Variants in TRPM6 observed in about 807,000 individuals in gnomAD.
The protein encoded by TRPM6 is transient receptor potential cation channel subfamily M member 6, also known as channel kinase 2.
Under a neutral mutation model 247.6 loss-of-function variants are expected in TRPM6, and 111 were observed. The observed-to-expected ratio is 0.45, with a 90% CI of 0.38 to 0.52. The LOEUF (loss-of-function observed/expected upper bound fraction) is 0.52. Ranked by LOEUF, TRPM6 falls within the 20% of genes least tolerant of loss-of-function variation. The probability of loss-of-function intolerance (pLI) is 0.00; values close to 1 mark genes in which losing one functional copy is unlikely to be tolerated. For missense variants in TRPM6, 2,126 were observed against 2,421.5 expected (o/e 0.88, Z 2.56); for synonymous variants, 892 against 853.8 (o/e 1.04, Z -0.78).
intron 1 of TRPM6, among the ~76,000 whole-genome samples, chr9:74,885,448 C>G (rs1831502662): frequency 6.6e-6 from 1 of 152,180 alleles, no homozygotes; most frequent in Non-Finnish European, 1.5e-5. Flanking sequence ...GATTACTTCT[C>G]TTAAAAAGCA....
chr9:74,779,977 G>C (rs1221008852), intron 23 of TRPM6, among the ~76,000 whole-genome samples: 2 of 151,234 alleles, frequency 1.3e-5, no homozygotes, highest in Non-Finnish European at 2.9e-5. Flanking sequence ...TTCAAGACCA[G>C]CCTGGCCAAT....
chr9:74,726,939 A>G (rs1825349658), intron 38 of TRPM6, among the ~76,000 whole-genome samples: 1 of 152,150 alleles, frequency 6.6e-6, no homozygotes, highest in East Asian at 1.9e-4. Context: ...CACATCAGGT[A>G]TGTGATTTGT....
chr9:74,873,390 T>C (rs1002641571), intron 1 of TRPM6, among the ~76,000 whole-genome samples: 2 of 152,178 alleles, frequency 1.3e-5, no homozygotes, highest in African/African-American at 4.8e-5. Flanking sequence ...CTGTCTGAAG[T>C]ACAGCCTGAA....
intron 23 of TRPM6, among the ~76,000 whole-genome samples, chr9:74,781,319 T>G (rs1827435078): frequency 6.6e-6 from 1 of 151,582 alleles, no homozygotes; most frequent in Non-Finnish European, 1.5e-5. Context: ...GTGGATCACT[T>G]GAGGTCAGGA....
At chr9:74,855,470 TGA>T in intron 3 of TRPM6, 55 bp downstream of exon 3, 3 of 1,192,420 alleles carry the variant, frequency 2.5e-6, no homozygotes, top group Non-Finnish European at 3.8e-6. Context: ...ACTGTCCCAG[TGA>T]ATTTTAAATA....
intron 23 of TRPM6, among the ~76,000 whole-genome samples, chr9:74,780,069 G>A (rs779149792): frequency 1.3e-5 from 2 of 152,072 alleles, no homozygotes; most frequent in Non-Finnish European, 2.9e-5. Flanking sequence ...CTACTCGGGA[G>A]GCTGAGGCAG....
At chr9:74,836,207 T>C (rs1244103621) in intron 5 of TRPM6, among the ~76,000 whole-genome samples, 3 of 152,218 alleles carry the variant, frequency 2.0e-5, no homozygotes, top group Middle Eastern at 3.2e-3. Flanking sequence ...TCATATACTA[T>C]AGTTGGAATC....
At chr9:74,868,097 T>G (rs575180749) in intron 1 of TRPM6, among the ~76,000 whole-genome samples, 2 of 147,772 alleles carry the variant, frequency 1.4e-5, no homozygotes, top group Non-Finnish European at 3.0e-5. Flanking sequence ...GAGGTTGCAG[T>G]AGGCTGAGAT....
At chr9:74,770,654 T>C (rs557594499) in intron 25 of TRPM6, among the ~76,000 whole-genome samples, 1 of 152,194 alleles carries the variant, frequency 6.6e-6, no homozygotes, top group African/African-American at 2.4e-5. Flanking sequence ...ACCAACCTTG[T>C]CTGCCTTCCC....
At chr9:74,796,606 A>G in intron 18 of TRPM6, 135 bp downstream of exon 18, 1 of 839,684 alleles carries the variant, frequency 1.2e-6, no homozygotes, top group Non-Finnish European at 2.0e-6. Context: ...CCAGGACCAT[A>G]TGTCATCACA....
intron 18 of TRPM6, among the ~76,000 whole-genome samples, chr9:74,794,784 AT>A (rs892864388): frequency 1.3e-5 from 2 of 151,134 alleles, no homozygotes; most frequent in African/African-American, 2.4e-5. Flanking sequence ...ATAAATTCAG[AT>A]TTTTTTTTAC....
chr9:74,820,134 T>C, intron 9 of TRPM6, 170 bp downstream of exon 9: 2 of 687,834 alleles, frequency 2.9e-6, no homozygotes, highest in African/African-American at 1.8e-5. Context: ...TCTCCATGCA[T>C]TAGCTATTTA....
intron 21 of TRPM6, 126 bp from the exon 22 acceptor site, chr9:74,782,979 C>T (rs558102679): frequency 6.4e-5 from 58 of 901,424 alleles, no homozygotes; most frequent in Middle Eastern, 2.3e-4. Context: ...ACTAAAACAC[C>T]CTTGTGCAGG....
chr9:74,723,025 A>C lies in TRPM6; in HGVS notation c.*1588T>G, dbSNP rs2118647858. ...GAACTGGAACAGCTTATAATAAGAA[A>C]GGAGATGCAATAGGATGGGGAGAGG... On this transcript the variant is annotated 3_prime_UTR_variant, in exon 39 of 39. Transcript: ENST00000360774. 1 of 152,322 alleles carries C rather than the reference A, an allele frequency of 6.6e-6. No homozygotes were observed. The highest frequency in any genetic ancestry group is 1.9e-4 in the East Asian group (1 of 5,170). 9.4% of individuals were successfully genotyped at this position (152,322 alleles called of 1,614,324 possible).
At chr9:74,783,684 T>C (rs916066056) in intron 21 of TRPM6, among the ~76,000 whole-genome samples, 7 of 152,190 alleles carry the variant, frequency 4.6e-5, no homozygotes, top group Admixed American at 1.3e-4. Context: ...TTGAAATATA[T>C]TGGTTATCTC....
At chr9:74,849,836 T>G (rs1484744827) in intron 3 of TRPM6, among the ~76,000 whole-genome samples, 1 of 152,238 alleles carries the variant, frequency 6.6e-6, no homozygotes, top group African/African-American at 2.4e-5. Context: ...CCTCTATTTC[T>G]TCAACTGCAG....
Position 74,762,408 on chromosome 9 carries a change from C to T in TRPM6, c.4263G>A (p.Glu1421=). The change falls in exon 26 of 39, where the codon GAG becomes GAA. Residue 1421 remains glutamate (E), a synonymous_variant. Coordinates refer to ENST00000360774, the MANE Select transcript of TRPM6 (RefSeq NM_017662.5). ...TGCAACTCAAAGTGGGTAGCACTTG[C>T]TCTGCCTTGTCTTGTCCATCCAGTA... ...AHLLDGQDKA[E]QVLPTLSCTP... 6.2e-7 allele frequency: 1 copy of T among 1,614,172 alleles called. No individual in the cohort carries two copies. Among genetic ancestry groups the T allele is most frequent in the Non-Finnish European group, 8.5e-7 (1 of 1,180,040 alleles).
chr9:74,816,465 G>GAAAAA (rs34100441), intron 11 of TRPM6, among the ~76,000 whole-genome samples: 7 of 93,638 alleles, frequency 7.5e-5, no homozygotes, highest in Non-Finnish European at 1.5e-4. Context: ...GCAGAGCCAG[G>GAAAAA]AAAAAAAAAA....
At chr9:74,812,580 A>G (rs79882644) in intron 11 of TRPM6, 147 bp from the exon 12 acceptor site, 2 of 766,196 alleles carry the variant, frequency 2.6e-6, no homozygotes, top group Non-Finnish European at 4.2e-6. Flanking sequence ...AAAAAAAAAA[A>G]GGAAAAAATT....
Sources: gnomAD v4.1 joint callset for allele counts (sites outside exome capture counted in the v4.1 genomes callset) on GRCh38, gnomAD v4.1.1 for gene constraint, MANE v1.5 for transcripts, NCBI Gene and HGNC (gene_info 2026-07-23, HGNC 2026-07-21) for gene names.